The following XKRX variants were observed in gnomAD, a reference collection of about 807,000 sequenced individuals.
The protein encoded by XKRX is XK-related protein 2.
A neutral mutation model predicts 22.4 loss-of-function variants in XKRX; 11 were observed. The ratio of observed to expected loss-of-function variants is 0.49; its 90% CI spans 0.31 to 0.81. XKRX has a LOEUF of 0.81. Among genes scored for constraint, XKRX ranks in the 40% least tolerant of loss-of-function variants. XKRX has a pLI of 0.05. For missense variants in XKRX, 320 were observed against 336.5 expected, an observed-to-expected ratio of 0.95 and a Z score of 0.38; for synonymous variants, 114 against 132.2, an observed-to-expected ratio of 0.86 and a Z score of 0.94.
At chrX:100,954,443 T>C in the XKRX span, among the ~76,000 whole-genome samples, 51 of 109,952 alleles carry the variant, frequency 4.6e-4, no homozygotes, top group African/African-American at 1.6e-3. Flanking sequence ...GTGGCAAAAT[T>C]GGAACCTACA....
chrX:100,888,853 G>A, the XKRX span, among the ~76,000 whole-genome samples: 25 of 110,611 alleles, frequency 2.3e-4, no homozygotes, highest in South Asian at 9.8e-3. Context: ...GGAACAGCAA[G>A]AAGGCAAGAG....
At chrX:100,898,894 A>G in the XKRX span, among the ~76,000 whole-genome samples, 10 of 111,166 alleles carry the variant, frequency 9.0e-5, no homozygotes, top group South Asian at 3.8e-4. Flanking sequence ...CTTGCTGACC[A>G]CTAAGCTAAT....
At chrX:100,917,702 G>GAAAGAAAGAAAGAAAGA (rs1327096650) in intron 2 of XKRX, among the ~76,000 whole-genome samples, 1 of 104,349 alleles carries the variant, frequency 9.6e-6, no homozygotes, top group Admixed American at 1.0e-4. Context: ...AAGAAAGAAA[G>GAAAGAAAGAAAGAAAGA]AAAGAAAGAA....
chrX:100,908,955 T>G (rs1386092560), downstream of XKRX, among the ~76,000 whole-genome samples: 1 of 111,587 alleles, frequency 9.0e-6, no homozygotes, highest in Non-Finnish European at 1.9e-5. Context: ...CCACTTCCCT[T>G]GGCCTGCTCT....
Position 100,928,721 on chromosome X carries a change from G to A in XKRX, c.-417C>T. 5 of 774,274 alleles carry A rather than the reference G, an allele frequency of 6.5e-6. No homozygotes were observed. The highest frequency in any genetic ancestry group is 7.7e-6 in the Non-Finnish European group (5 of 652,708). 63.8% of individuals were successfully genotyped at this position (774,274 alleles called of 1,213,427 possible). ...GTGTAGCCGATCTGTCGGGGGCACC[G>A]ACACTCAGCAGCTCCTCACAAAGAG... On this transcript the variant is annotated 5_prime_UTR_variant, in exon 1 of 3. Transcript: ENST00000372956.
chrX:100,920,611 T>A (rs2085467370), intron 2 of XKRX, among the ~76,000 whole-genome samples: 1 of 111,675 alleles, frequency 9.0e-6, no homozygotes, highest in African/African-American at 3.3e-5. Flanking sequence ...ACAAAAAAAA[T>A]TTTCAAACCA....
the XKRX span, among the ~76,000 whole-genome samples, chrX:100,940,321 C>A: frequency 9.0e-6 from 1 of 111,625 alleles, no homozygotes; most frequent in Non-Finnish European, 1.9e-5. Context: ...CAGATTTGAA[C>A]CAAGGAAGTC....
the XKRX span, among the ~76,000 whole-genome samples, chrX:100,954,073 C>G: frequency 9.0e-6 from 1 of 111,008 alleles, no homozygotes; most frequent in African/African-American, 3.3e-5. Flanking sequence ...ATCAGAAACA[C>G]GCAAATCAAA....
chrX:100,922,903 C>A lies in XKRX; in HGVS notation c.494G>T (p.Arg165Leu). ...CTGTGACATACGTTTGTAGGCATTG[C>A]GGTGCATAGCCAGGGTCCGGATGGA... ...GHSIRTLAMH[R>L]NAYKRMSQIQ... Residue 165 changes from arginine (R) to leucine (L), a missense_variant, in exon 2 of 3, where the codon CGC becomes CTC. Coordinates refer to ENST00000372956, the MANE Select transcript of XKRX (RefSeq NM_212559.3). 8.3e-7 allele frequency: 1 copy of A among 1,211,354 alleles called. No individual in the cohort carries two copies. The highest frequency in any genetic ancestry group is 1.8e-5 in the South Asian group (1 of 56,941).
chrX:100,947,774 T>G, the XKRX span, among the ~76,000 whole-genome samples: 2 of 111,974 alleles, frequency 1.8e-5, no homozygotes, highest in African/African-American at 6.5e-5. Flanking sequence ...GTAAAAATAA[T>G]CAGCAGGAAA....
the XKRX span, among the ~76,000 whole-genome samples, chrX:100,943,166 C>G: frequency 9.0e-6 from 1 of 111,556 alleles, no homozygotes; most frequent in Admixed American, 9.6e-5. Flanking sequence ...TCCTTTTACT[C>G]TCTATATGCA....
chrX:100,952,842 G>A, the XKRX span, among the ~76,000 whole-genome samples: 36 of 112,363 alleles, frequency 3.2e-4, no homozygotes, highest in Non-Finnish European at 6.0e-4. Flanking sequence ...TACAGAGGTA[G>A]GAGGATCTTT....
the XKRX span, among the ~76,000 whole-genome samples, chrX:100,941,936 C>T: frequency 9.1e-6 from 1 of 109,856 alleles, no homozygotes; most frequent in African/African-American, 3.3e-5. Flanking sequence ...CGACCTCCGC[C>T]TCCTGGGTTC....
the XKRX span, among the ~76,000 whole-genome samples, chrX:100,907,053 G>C: frequency 1.6e-3 from 181 of 111,780 alleles, 1 homozygote; most frequent in African/African-American, 5.5e-3. Context: ...CATATTCACA[G>C]GTTCTGAGGA....
the XKRX span, among the ~76,000 whole-genome samples, chrX:100,893,978 T>A: frequency 0.029 from 3,292 of 112,409 alleles, 111 homozygotes; most frequent in African/African-American, 0.1. Context: ...AAAAATTTTT[T>A]AAAAAGTAGG....
At chrX:100,901,094 A>G in the XKRX span, among the ~76,000 whole-genome samples, 1 of 111,157 alleles carries the variant, frequency 9.0e-6, no homozygotes, top group East Asian at 2.8e-4. Context: ...CTGGCCCACA[A>G]TCTCCATTTT....
chrX:100,916,079 A>ACC (rs2085434215), intron 2 of XKRX, among the ~76,000 whole-genome samples: 1 of 61,451 alleles, frequency 1.6e-5, no homozygotes, highest in African/African-American at 1.4e-4. Flanking sequence ...AAGTTTTACC[A>ACC]CACACACACA....
At chrX:100,927,273 G>A (rs893452283) in intron 1 of XKRX, among the ~76,000 whole-genome samples, 11 of 109,573 alleles carry the variant, frequency 1.0e-4, no homozygotes, top group African/African-American at 3.0e-4. Context: ...TCTACCTTCC[G>A]GGTTCAAGTG....
At chrX:100,953,353 A>G in the XKRX span, among the ~76,000 whole-genome samples, 1 of 111,733 alleles carries the variant, frequency 8.9e-6, no homozygotes, top group Non-Finnish European at 1.9e-5. Flanking sequence ...AAATGGATGA[A>G]AGACTCAAGT....
Sources: gnomAD v4.1 joint callset for allele counts (sites outside exome capture counted in the v4.1 genomes callset) on GRCh38, gnomAD v4.1.1 for gene constraint, MANE v1.5 for transcripts, NCBI Gene and HGNC (gene_info 2026-07-23, HGNC 2026-07-21) for gene names.